The following PKD2L2 variants were observed in gnomAD, a reference collection of about 807,000 sequenced individuals.
PKD2L2 encodes the protein polycystin 2 like 2, transient receptor potential cation channel.
In PKD2L2, 67 loss-of-function variants were observed where a neutral mutation model predicts 83.9. The observed-to-expected ratio is 0.80, with a 90% CI of 0.66 to 0.98. PKD2L2 has a LOEUF of 0.98. PKD2L2 is among the 50% of genes least tolerant of loss of function. PKD2L2 has a pLI of 0.00. For synonymous variants in PKD2L2, 223 were observed against 237.8 expected, an observed-to-expected ratio of 0.94 and a Z score of 0.57; for missense variants, 632 against 717.2, an observed-to-expected ratio of 0.88 and a Z score of 1.36.
chr5:137,921,896 C>G lies in PKD2L2; in HGVS notation c.1449+140C>G, dbSNP rs1758939684. The G allele has an allele frequency of 4.5e-6, 3 of 666,560 alleles. No individual in the cohort carries two copies. The Admixed American group carries it at 9.8e-5, about 22-fold the overall frequency. 41.3% of individuals were successfully genotyped at this position (666,560 alleles called of 1,614,324 possible). A position where few individuals can be genotyped will look rare whatever the true frequency, so the allele number is the denominator to read the frequency against. ...AGAATTGTGTGGATCCCTAGTAATCCAGGTTCACTAGTCCAGTGACTGTTT... is the reference window on the plus strand; with the variant it reads ...AGAATTGTGTGGATCCCTAGTAATCGAGGTTCACTAGTCCAGTGACTGTTT... On this transcript the variant is annotated intron_variant, in intron 9 of 14. Transcript: ENST00000508883.
chr5:137,915,433 TTTTA>T (rs1368781171), intron 8 of PKD2L2, among the ~76,000 whole-genome samples: 1 of 152,084 alleles, frequency 6.6e-6, no homozygotes, highest in Non-Finnish European at 1.5e-5. Context: ...TATTTTTATT[TTTTA>T]TTTGAGATGG....
rs1020432505 is a variant in PKD2L2 at position 137,919,505 on chromosome 5, T to C, written c.1329-2131T>C. Among the ~76,000 whole-genome samples the C allele has an allele frequency of 1.2e-4, 13 of 108,904 alleles. No homozygotes were observed. In the Admixed American group the frequency reaches 1.4e-3, roughly 12 times the overall value. The allele number at this position is 108,904 out of a possible 152,430, so 71.4% of individuals were successfully genotyped here. Reference sequence around the variant, plus strand: ...GGAGAGGAGAAAAGAATGAGAATGGTTCCTTCATCTTTTTTTTTTTCCCCA... The same window carrying C: ...GGAGAGGAGAAAAGAATGAGAATGGCTCCTTCATCTTTTTTTTTTTCCCCA... On this transcript the variant is annotated intron_variant, in intron 8 of 14. Coordinates refer to ENST00000508883, the MANE Select transcript of PKD2L2 (RefSeq NM_001300921.2).
chr5:137,926,709 C>T (rs538261746), intron 12 of PKD2L2, among the ~76,000 whole-genome samples: 3 of 152,294 alleles, frequency 2.0e-5, no homozygotes, highest in South Asian at 4.1e-4. Context: ...TTCGAGGTCT[C>T]GCTAATTCCA....
chr5:137,929,534 C>A (rs201597645), intron 12 of PKD2L2, among the ~76,000 whole-genome samples: 37 of 3,434 alleles, frequency 0.011, no homozygotes, highest in African/African-American at 0.021. Context: ...ACAAAATTGC[C>A]AAAAAAAAAA....
intron 12 of PKD2L2, among the ~76,000 whole-genome samples, chr5:137,934,235 C>T (rs1325540835): frequency 2.0e-5 from 3 of 152,084 alleles, no homozygotes; most frequent in African/African-American, 7.2e-5. Flanking sequence ...AGTTGGTGCT[C>T]AGCTTATGAG....
chr5:137,913,216 C>G (rs370935799), intron 8 of PKD2L2, among the ~76,000 whole-genome samples: 1 of 137,434 alleles, frequency 7.3e-6, no homozygotes, highest in African/African-American at 2.7e-5. Context: ...GACAGTCTCA[C>G]TCTGTTGCCC....
At chr5:137,901,066 G>A (rs991612572) in intron 5 of PKD2L2, among the ~76,000 whole-genome samples, 6 of 151,742 alleles carry the variant, frequency 4.0e-5, no homozygotes, top group African/African-American at 1.5e-4. Flanking sequence ...AACCTGGGAG[G>A]CAGAGGTTGT....
chr5:137,914,802 T>C (rs1300819221), intron 8 of PKD2L2, among the ~76,000 whole-genome samples: 2 of 152,202 alleles, frequency 1.3e-5, no homozygotes, highest in African/African-American at 2.4e-5. Context: ...AGGGACATTC[T>C]TTCTATACCT....
chr5:137,934,465 T>A (rs1223919919), intron 12 of PKD2L2, among the ~76,000 whole-genome samples: 1 of 152,176 alleles, frequency 6.6e-6, no homozygotes, highest in Non-Finnish European at 1.5e-5. Context: ...GGTGCTATAA[T>A]GTGTCCAAAA....
intron 12 of PKD2L2, among the ~76,000 whole-genome samples, chr5:137,929,053 A>G (rs879750644): frequency 3.3e-5 from 5 of 152,206 alleles, no homozygotes; most frequent in Admixed American, 3.3e-4. Context: ...AACATTATTG[A>G]ATATAATTGG....
Position 137,899,576 on chromosome 5 carries a change from C to T in PKD2L2, c.585C>T (p.Tyr195=), listed in dbSNP as rs761016287. The change falls in exon 5 of 15, where the codon TAC becomes TAT. Residue 195 remains tyrosine (Y), a synonymous_variant. Transcript: ENST00000508883. ...SPWHWGFLGV[Y]RNGGYIFTLS... ...GGCACTGGGGATTTCTTGGTGTTTA[C>T]CGAAATGGGGGATACATTTTCACTT... The T allele has an allele frequency of 2.5e-6, 4 of 1,613,692 alleles. No individual in the cohort carries two copies. The highest frequency in any genetic ancestry group is 2.2e-5 in the East Asian group (1 of 44,882).
intron 3 of PKD2L2, 118 bp downstream of exon 3, chr5:137,892,731 C>T: frequency 1.2e-6 from 1 of 847,862 alleles, no homozygotes; most frequent in Non-Finnish European, 1.8e-6. Context: ...AATGTCATTT[C>T]TTTAAACTAT....
At position 137,892,492 on chromosome 5, in the gene PKD2L2, T is replaced by C. The variant is rs11556484; in HGVS notation, c.146T>C (p.Met49Thr). 6.5e-7 allele frequency: 1 copy of C among 1,530,792 alleles called. No individual in the cohort carries two copies. Among genetic ancestry groups the C allele is most frequent in the East Asian group, 2.4e-5 (1 of 41,538 alleles). The allele number at this position is 1,530,792 out of a possible 1,614,324, so 94.8% of individuals were successfully genotyped here. A position where few individuals can be genotyped will look rare whatever the true frequency, so the allele number is the denominator to read the frequency against. The change falls in exon 3 of 15, where the codon ATG becomes ACG. Residue 49 changes from methionine (M) to threonine (T), a missense_variant. Coordinates refer to ENST00000508883, the MANE Select transcript of PKD2L2 (RefSeq NM_001300921.2). ...TTATTCTCCTTAGTGACTTTTGGGATGGTAAACCCACATATGTATTACTTA... is the reference window on the plus strand; with the variant it reads ...TTATTCTCCTTAGTGACTTTTGGGACGGTAAACCCACATATGTATTACTTA... ...LINLCILTFGMVNPHMYYLNK... is the reference protein window; with the variant it reads ...LINLCILTFGTVNPHMYYLNK...
At chr5:137,918,421 G>A (rs879726811) in intron 8 of PKD2L2, among the ~76,000 whole-genome samples, 15 of 152,218 alleles carry the variant, frequency 9.9e-5, no homozygotes, top group African/African-American at 1.4e-4. Context: ...TCAGCTGAAG[G>A]ACGATGGTCT....
intron 7 of PKD2L2, among the ~76,000 whole-genome samples, chr5:137,908,424 C>A (rs1190416235): frequency 1.3e-5 from 2 of 151,986 alleles, no homozygotes; most frequent in Non-Finnish European, 2.9e-5. Flanking sequence ...CCTGTCTCTA[C>A]TAAAAATACA....
At chr5:137,898,669 T>C (rs951723623) in intron 4 of PKD2L2, among the ~76,000 whole-genome samples, 3 of 151,988 alleles carry the variant, frequency 2.0e-5, no homozygotes, top group East Asian at 1.9e-4. Flanking sequence ...TCCTCTCATC[T>C]CAGCCTCCTG....
At chr5:137,908,999 A>C in intron 8 of PKD2L2, 53 bp downstream of exon 8, 4 of 1,109,216 alleles carry the variant, frequency 3.6e-6, no homozygotes, top group Non-Finnish European at 5.2e-6. Context: ...TTACAAAAAA[A>C]ATTGGAAAGG....
At chr5:137,932,017 T>C (rs1209312109) in intron 12 of PKD2L2, among the ~76,000 whole-genome samples, 1 of 152,138 alleles carries the variant, frequency 6.6e-6, no homozygotes, top group Non-Finnish European at 1.5e-5. Context: ...TGCCCAGCAA[T>C]TAACAAAATG....
chr5:137,931,473 T>G (rs994793271), intron 12 of PKD2L2, among the ~76,000 whole-genome samples: 2 of 152,132 alleles, frequency 1.3e-5, no homozygotes, highest in Non-Finnish European at 2.9e-5. Context: ...CAGCACACAA[T>G]AATATATGAA....
Sources: gnomAD v4.1 joint callset for allele counts (sites outside exome capture counted in the v4.1 genomes callset) on GRCh38, gnomAD v4.1.1 for gene constraint, MANE v1.5 for transcripts, NCBI Gene and HGNC (gene_info 2026-07-23, HGNC 2026-07-21) for gene names.